The following SSBP2 variants were observed in gnomAD, a reference collection of about 807,000 sequenced individuals.
The protein encoded by SSBP2 is single-stranded DNA-binding protein 2.
In SSBP2, 17 loss-of-function variants were observed where a neutral mutation model predicts 61.8. The ratio of observed to expected loss-of-function variants is 0.28; its 90% CI spans 0.19 to 0.41. SSBP2 has a LOEUF of 0.41. SSBP2 is among the 10% of genes least tolerant of loss of function. The probability of loss-of-function intolerance (pLI) is 1.00; values close to 1 mark genes in which losing one functional copy is unlikely to be tolerated. For missense variants in SSBP2, 310 were observed against 458.7 expected (o/e 0.68, Z 2.96); for synonymous variants, 139 against 141.3 (o/e 0.98, Z 0.12).
intron 1 of SSBP2, among the ~76,000 whole-genome samples, chr5:81,674,988 A>G (rs536655833): frequency 1.5e-3 from 229 of 152,320 alleles, no homozygotes; most frequent in Non-Finnish European, 2.6e-3. Context: ...TTGTGCGCAG[A>G]ATCTATTCCT....
chr5:81,486,827 T>C lies in SSBP2; in HGVS notation c.432+2423A>G, dbSNP rs536308591. 4.6e-5 allele frequency among the ~76,000 whole-genome samples: 7 copies of C among 152,312 alleles called. No individual in the cohort carries two copies. The South Asian group carries it at 1.5e-3, about 32-fold the overall frequency. ...TATAGGAGAAAAATGCTCCAGCTGCTAATGTGAGAAAGACTGCCAAGCACT... is the reference window on the plus strand; with the variant it reads ...TATAGGAGAAAAATGCTCCAGCTGCCAATGTGAGAAAGACTGCCAAGCACT... On this transcript the variant is annotated intron_variant, in intron 6 of 16. Transcript: ENST00000320672.
chr5:81,590,630 A>G (rs1294732550), intron 4 of SSBP2, among the ~76,000 whole-genome samples: 4 of 152,208 alleles, frequency 2.6e-5, no homozygotes, highest in African/African-American at 9.6e-5. Context: ...CATACCTCAC[A>G]AGGTGCTCAC....
At chr5:81,667,200 C>T (rs1436300081) in intron 1 of SSBP2, among the ~76,000 whole-genome samples, 1 of 151,954 alleles carries the variant, frequency 6.6e-6, no homozygotes, top group Non-Finnish European at 1.5e-5. Context: ...TACAGAACAA[C>T]AGTCTCTTGA....
intron 5 of SSBP2, among the ~76,000 whole-genome samples, chr5:81,501,717 C>T (rs140901124): frequency 4.0e-4 from 61 of 151,904 alleles, no homozygotes; most frequent in African/African-American, 1.4e-3. Flanking sequence ...CGCCCACCAC[C>T]ACGCCCGGCT....
intron 4 of SSBP2, among the ~76,000 whole-genome samples, chr5:81,614,339 GAC>G (rs1216843590): frequency 8.9e-6 from 1 of 111,752 alleles, no homozygotes; most frequent in Non-Finnish European, 1.6e-5. Flanking sequence ...CAACCTGGGA[GAC>G]ACAGCGAGAC....
intron 1 of SSBP2, among the ~76,000 whole-genome samples, chr5:81,737,787 C>CA (rs35211460): frequency 0.56 from 60,231 of 107,774 alleles, 16,195 homozygotes; most frequent in Middle Eastern, 0.72. Flanking sequence ...GACTCCATCT[C>CA]AAAAAAAAAA....
intron 1 of SSBP2, among the ~76,000 whole-genome samples, chr5:81,727,636 C>A (rs1755982156): frequency 6.6e-6 from 1 of 152,148 alleles, no homozygotes; most frequent in African/African-American, 2.4e-5. Flanking sequence ...TGGAAATATT[C>A]ATCAAATGCG....
At chr5:81,650,077 T>C (rs1408626396) in intron 2 of SSBP2, among the ~76,000 whole-genome samples, 190 bp downstream of exon 2, 1 of 151,994 alleles carries the variant, frequency 6.6e-6, no homozygotes, top group African/African-American at 2.4e-5. Flanking sequence ...GACTAGAAGA[T>C]TGAGTGGCAC....
chr5:81,664,706 T>C (rs1750966884), intron 1 of SSBP2, among the ~76,000 whole-genome samples: 1 of 152,224 alleles, frequency 6.6e-6, no homozygotes, highest in Non-Finnish European at 1.5e-5. Flanking sequence ...CTAATTTCTA[T>C]ACACAAACAG....
intron 1 of SSBP2, among the ~76,000 whole-genome samples, chr5:81,661,058 G>A (rs762129638): frequency 6.6e-6 from 1 of 152,010 alleles, no homozygotes; most frequent in Non-Finnish European, 1.5e-5. Context: ...CCTAATGAAT[G>A]TGGGGCTTAA....
At chr5:81,622,107 A>T (rs923835680) in intron 3 of SSBP2, among the ~76,000 whole-genome samples, 3 of 92,934 alleles carry the variant, frequency 3.2e-5, no homozygotes, top group Non-Finnish European at 7.3e-5. Flanking sequence ...AGAGTATAAT[A>T]AAAAAAAAAA....
chr5:81,742,695 G>C (rs1380541174), intron 1 of SSBP2, among the ~76,000 whole-genome samples: 1 of 152,004 alleles, frequency 6.6e-6, no homozygotes, highest in Non-Finnish European at 1.5e-5. Context: ...GGCCAACATG[G>C]TGAAACTCCC....
At chr5:81,506,850 T>C (rs1768218812) in intron 5 of SSBP2, among the ~76,000 whole-genome samples, 1 of 152,094 alleles carries the variant, frequency 6.6e-6, no homozygotes, top group Non-Finnish European at 1.5e-5. Context: ...ATTGGTTTTC[T>C]TTTTTAGTTT....
At chr5:81,676,470 A>G (rs984160404) in intron 1 of SSBP2, among the ~76,000 whole-genome samples, 1 of 152,134 alleles carries the variant, frequency 6.6e-6, no homozygotes, top group Non-Finnish European at 1.5e-5. Context: ...TCTTTCTACA[A>G]TCTCATTCCG....
chr5:81,656,244 GT>G (rs1194079428), intron 1 of SSBP2, among the ~76,000 whole-genome samples: 3 of 151,996 alleles, frequency 2.0e-5, no homozygotes, highest in Non-Finnish European at 2.9e-5. Context: ...TAGAGACAGG[GT>G]TTCACCATGT....
chr5:81,611,053 A>G (rs1745392576), intron 4 of SSBP2, among the ~76,000 whole-genome samples: 1 of 152,220 alleles, frequency 6.6e-6, no homozygotes, highest in African/African-American at 2.4e-5. Flanking sequence ...CACAAAATAG[A>G]GTGTCACATC....
chr5:81,747,749 C>G (rs951393098), intron 1 of SSBP2, among the ~76,000 whole-genome samples: 3 of 152,136 alleles, frequency 2.0e-5, no homozygotes, highest in African/African-American at 7.2e-5. Flanking sequence ...ATCTCCTACC[C>G]TCAACAAACT....
At chr5:81,747,232 T>C (rs1388586786) in intron 1 of SSBP2, among the ~76,000 whole-genome samples, 1 of 152,192 alleles carries the variant, frequency 6.6e-6, no homozygotes, top group Non-Finnish European at 1.5e-5. Context: ...CATCCTACCC[T>C]AGTTCAGGAA....
intron 4 of SSBP2, among the ~76,000 whole-genome samples, chr5:81,595,465 A>G (rs1214892502): frequency 5.3e-5 from 8 of 152,110 alleles, no homozygotes; most frequent in Non-Finnish European, 8.8e-5. Flanking sequence ...GATAGAAAAA[A>G]AGGGAATCCT....
Sources: gnomAD v4.1 joint callset for allele counts (sites outside exome capture counted in the v4.1 genomes callset) on GRCh38, gnomAD v4.1.1 for gene constraint, MANE v1.5 for transcripts, NCBI Gene and HGNC (gene_info 2026-07-23, HGNC 2026-07-21) for gene names.